SH3BGRL2: variants seen among roughly 807,000 people sequenced by gnomAD.
SH3BGRL2 encodes the protein SH3 domain-binding glutamic acid-rich-like protein 2.
A neutral mutation model predicts 14.8 loss-of-function variants in SH3BGRL2; 21 were observed. The ratio of observed to expected loss-of-function variants is 1.42; its 90% CI spans 1.01 to 2.05. The LOEUF (loss-of-function observed/expected upper bound fraction) is 2.05, where lower values mean the gene tolerates loss of function less well. SH3BGRL2 is among the 30% of genes most tolerant of loss of function. The probability of loss-of-function intolerance (pLI) is 0.00; values close to 1 mark genes in which losing one functional copy is unlikely to be tolerated. For missense variants in SH3BGRL2, 147 were observed against 130.8 expected, an observed-to-expected ratio of 1.12 and a Z score of -0.61; for synonymous variants, 50 against 47.8, an observed-to-expected ratio of 1.05 and a Z score of -0.19.
At chr6:79,654,114 A>T (rs1769357693) in intron 1 of SH3BGRL2, among the ~76,000 whole-genome samples, 4 of 151,998 alleles carry the variant, frequency 2.6e-5, no homozygotes, top group Admixed American at 2.0e-4. Context: ...AAAAGAAATA[A>T]TTTTTTTCAT....
At chr6:79,646,709 C>T (rs1026456692) in intron 1 of SH3BGRL2, among the ~76,000 whole-genome samples, 1 of 152,228 alleles carries the variant, frequency 6.6e-6, no homozygotes, top group Non-Finnish European at 1.5e-5. Flanking sequence ...TCACCTCCCT[C>T]TAGCTCCTGG....
intron 2 of SH3BGRL2, among the ~76,000 whole-genome samples, chr6:79,683,964 G>C (rs1770043892): frequency 6.6e-6 from 1 of 152,136 alleles, no homozygotes; most frequent in African/African-American, 2.4e-5. Flanking sequence ...TACGTTGTAG[G>C]GTATCTGCAG....
chr6:79,591,434 G>A, the SH3BGRL2 span, among the ~76,000 whole-genome samples: 2 of 151,728 alleles, frequency 1.3e-5, no homozygotes, highest in African/African-American at 2.4e-5. Flanking sequence ...TGTTTTAGAC[G>A]GAGTCTTGCT....
intron 2 of SH3BGRL2, among the ~76,000 whole-genome samples, chr6:79,686,150 T>G (rs1476657062): frequency 6.6e-6 from 1 of 152,224 alleles, no homozygotes; most frequent in Non-Finnish European, 1.5e-5. Flanking sequence ...AAAGGTAGGT[T>G]GCTTTGCTTC....
At chr6:79,565,885 C>CG in the SH3BGRL2 span, among the ~76,000 whole-genome samples, 1 of 152,370 alleles carries the variant, frequency 6.6e-6, no homozygotes, top group Non-Finnish European at 1.5e-5. Context: ...ATAATCCTCT[C>CG]AACTGCCACA....
chr6:79,604,860 C>T, the SH3BGRL2 span, among the ~76,000 whole-genome samples: 5 of 152,198 alleles, frequency 3.3e-5, no homozygotes, highest in Non-Finnish European at 7.4e-5. Context: ...AGGATGTGCC[C>T]GTGGAGGCGG....
the SH3BGRL2 span, among the ~76,000 whole-genome samples, chr6:79,542,502 C>T: frequency 6.6e-6 from 1 of 152,172 alleles, no homozygotes. Context: ...CTCTTGACCT[C>T]AGGTGATCCA....
At chr6:79,695,743 A>G (rs779944556) in intron 2 of SH3BGRL2, among the ~76,000 whole-genome samples, 9 of 152,224 alleles carry the variant, frequency 5.9e-5, no homozygotes, top group Non-Finnish European at 1.3e-4. Context: ...GATTGTGATC[A>G]TCATTTGCTT....
At chr6:79,551,992 G>C in the SH3BGRL2 span, among the ~76,000 whole-genome samples, 1 of 152,204 alleles carries the variant, frequency 6.6e-6, no homozygotes, top group South Asian at 2.1e-4. Context: ...CTGGGAAGCT[G>C]AGGCACAAAA....
intron 1 of SH3BGRL2, among the ~76,000 whole-genome samples, chr6:79,645,694 TTG>T (rs1223728820): frequency 6.6e-6 from 1 of 152,084 alleles, no homozygotes; most frequent in Non-Finnish European, 1.5e-5. Flanking sequence ...GCCAGCAAGT[TTG>T]TGTGTGTGTG....
chr6:79,614,889 C>T, the SH3BGRL2 span, among the ~76,000 whole-genome samples: 1 of 152,184 alleles, frequency 6.6e-6, no homozygotes, highest in South Asian at 2.1e-4. Flanking sequence ...CCAAAAGCCA[C>T]TTTCTGATTT....
At chr6:79,567,015 A>G in the SH3BGRL2 span, among the ~76,000 whole-genome samples, 1 of 152,180 alleles carries the variant, frequency 6.6e-6, no homozygotes, top group Non-Finnish European at 1.5e-5. Flanking sequence ...GCTAGCTGGG[A>G]AGCTGGGATA....
In SH3BGRL2 at chr6:79,684,298, T is replaced by C. The variant is rs1770050462; in HGVS notation, c.231+10499T>C. On this transcript the variant is annotated intron_variant, in intron 2 of 3. Transcript: ENST00000369838. ...GTGTTGTTATTACACTTTCTGTAAT[T>C]AACTAGGACTCTGGTTATTACTTCT... is the stretch of plus-strand genomic sequence containing the variant. Among the ~76,000 whole-genome samples, 2 of 152,182 alleles carry C rather than the reference T, an allele frequency of 1.3e-5. 1 individual carries two copies. The highest frequency in any genetic ancestry group is 4.8e-5 in the African/African-American group (2 of 41,442).
At chr6:79,587,101 T>C in the SH3BGRL2 span, among the ~76,000 whole-genome samples, 2 of 152,232 alleles carry the variant, frequency 1.3e-5, no homozygotes, top group African/African-American at 4.8e-5. Flanking sequence ...TTTCTACCTG[T>C]CTTTAACATT....
In SH3BGRL2 at chr6:79,703,206, C is replaced by T. The variant is rs775028805; in HGVS notation, c.*3697C>T. 4.6e-5 allele frequency: 7 copies of T among 152,096 alleles called. No homozygotes were observed. Among genetic ancestry groups the T allele is most frequent in the East Asian group, 1.9e-4 (1 of 5,178 alleles). The allele number at this position is 152,096 out of a possible 1,614,324, so 9.4% of individuals were successfully genotyped here. On this transcript the variant is annotated 3_prime_UTR_variant, in exon 4 of 4. Transcript: ENST00000369838. ...TGTGGTAAGTGTTGTCAGAGCAGGG[C>T]AATATCTCTACTCTCAAGTATGAGG...
At chr6:79,697,986 A>C (rs1045940344) in intron 3 of SH3BGRL2, among the ~76,000 whole-genome samples, 1 of 152,226 alleles carries the variant, frequency 6.6e-6, no homozygotes, top group Non-Finnish European at 1.5e-5. Flanking sequence ...CCAGTTTCTC[A>C]GGAAATCTAT....
At chr6:79,691,468 T>C (rs2127738404) in intron 2 of SH3BGRL2, among the ~76,000 whole-genome samples, 1 of 149,826 alleles carries the variant, frequency 6.7e-6, no homozygotes, top group East Asian at 2.0e-4. Context: ...ACTCGTCATT[T>C]AGCATTAGGT....
At chr6:79,556,748 A>G in the SH3BGRL2 span, among the ~76,000 whole-genome samples, 1 of 152,136 alleles carries the variant, frequency 6.6e-6, no homozygotes, top group South Asian at 2.1e-4. Context: ...CTGAGTAGTA[A>G]TGTGGTTAAA....
At chr6:79,605,787 A>C in the SH3BGRL2 span, among the ~76,000 whole-genome samples, 1 of 152,216 alleles carries the variant, frequency 6.6e-6, no homozygotes, top group Non-Finnish European at 1.5e-5. Flanking sequence ...AAACACATTC[A>C]AAAGAGAAAT....
Sources: gnomAD v4.1 joint callset for allele counts (sites outside exome capture counted in the v4.1 genomes callset) on GRCh38, gnomAD v4.1.1 for gene constraint, MANE v1.5 for transcripts, NCBI Gene and HGNC (gene_info 2026-07-23, HGNC 2026-07-21) for gene names.